The following NTNG1 variants were observed in gnomAD, a reference collection of about 807,000 sequenced individuals.
The protein encoded by NTNG1 is netrin G1, also known as netrin-G1.
NTNG1 carries 16 observed loss-of-function variants against 54.0 expected under a neutral mutation model. The ratio of observed to expected loss-of-function variants is 0.30; its 90% CI spans 0.20 to 0.45. The LOEUF (loss-of-function observed/expected upper bound fraction) is 0.45. NTNG1 is among the 20% of genes least tolerant of loss of function. The pLI, the probability that NTNG1 is intolerant of heterozygous loss-of-function variation, is 1.00. For synonymous variants in NTNG1, 255 were observed against 263.1 expected, an observed-to-expected ratio of 0.97 and a Z score of 0.30; for missense variants, 530 against 678.7, an observed-to-expected ratio of 0.78 and a Z score of 2.43.
At chr1:107,243,267 G>T (rs1661964568) in intron 2 of NTNG1, among the ~76,000 whole-genome samples, 1 of 152,126 alleles carries the variant, frequency 6.6e-6, no homozygotes, top group Non-Finnish European at 1.5e-5. Context: ...TTTGAAAGAG[G>T]AAAAGTGACC....
At chr1:107,440,568 C>A (rs1675902892) in intron 7 of NTNG1, among the ~76,000 whole-genome samples, 1 of 152,160 alleles carries the variant, frequency 6.6e-6, no homozygotes, top group African/African-American at 2.4e-5. Flanking sequence ...ATTATTATTA[C>A]TACTTCCAAG....
chr1:107,209,588 A>T (rs1481915001), intron 2 of NTNG1, among the ~76,000 whole-genome samples: 1 of 152,110 alleles, frequency 6.6e-6, no homozygotes. Flanking sequence ...TTGAGACAAT[A>T]ATTGCGCCTC....
chr1:107,337,473 G>A (rs1379063625), intron 3 of NTNG1, among the ~76,000 whole-genome samples: 1 of 151,932 alleles, frequency 6.6e-6, no homozygotes, highest in Non-Finnish European at 1.5e-5. Context: ...TGAAAAAGAA[G>A]ATTCATTTGT....
Position 107,148,534 on chromosome 1 carries a change from A to T in NTNG1, c.-60A>T. On this transcript the variant is annotated 5_prime_UTR_variant, in exon 2 of 8. Transcript: ENST00000370068. The stretch of plus-strand genomic sequence containing the variant: ...GTATATATATGTAAACTAGACAAAG[A>T]TCGCAGATCATAAAGCAAGCTCTGC... The T allele has an allele frequency of 6.5e-7, 1 of 1,536,690 alleles. No homozygotes were observed. Among genetic ancestry groups the T allele is most frequent in the Non-Finnish European group, 9.0e-7 (1 of 1,114,850 alleles).
chr1:107,322,828 C>T (rs576043173), intron 2 of NTNG1, among the ~76,000 whole-genome samples: 17 of 152,172 alleles, frequency 1.1e-4, no homozygotes, highest in Admixed American at 7.2e-4. Context: ...TGTACCTTCT[C>T]TTCTTTCTCC....
intron 7 of NTNG1, among the ~76,000 whole-genome samples, chr1:107,444,095 GCTAGATGAGCAAAC>G (rs376843810): frequency 0.24 from 37,036 of 151,998 alleles, 4,619 homozygotes; most frequent in Middle Eastern, 0.33. Context: ...CGTTTTGTCT[GCTAGATGAGCAAAC>G]CCCAGGGTTG....
chr1:107,287,906 T>C (rs930724623), intron 2 of NTNG1, among the ~76,000 whole-genome samples: 1 of 152,138 alleles, frequency 6.6e-6, no homozygotes, highest in Non-Finnish European at 1.5e-5. Context: ...TTGCATACTG[T>C]CTGGCACTTA....
chr1:107,191,502 C>T (rs1657927784), intron 2 of NTNG1, among the ~76,000 whole-genome samples: 2 of 152,130 alleles, frequency 1.3e-5, no homozygotes, highest in Admixed American at 1.3e-4. Flanking sequence ...AGTCCTTGCC[C>T]ATGCCTATGT....
At chr1:107,433,071 T>C (rs976244383) in intron 6 of NTNG1, among the ~76,000 whole-genome samples, 1 of 152,226 alleles carries the variant, frequency 6.6e-6, no homozygotes, top group African/African-American at 2.4e-5. Flanking sequence ...TTATTTTTAC[T>C]TTTAAAAATC....
intron 7 of NTNG1, among the ~76,000 whole-genome samples, chr1:107,478,536 GC>G (rs1164471087): frequency 6.6e-6 from 1 of 152,092 alleles, no homozygotes; most frequent in Non-Finnish European, 1.5e-5. Context: ...AAGAAAAATA[GC>G]TTTTTTTTTC....
intron 2 of NTNG1, among the ~76,000 whole-genome samples, chr1:107,159,753 C>T (rs1439095239): frequency 6.6e-6 from 1 of 152,090 alleles, no homozygotes; most frequent in Admixed American, 6.6e-5. Flanking sequence ...ATTTAAAAAG[C>T]CTTTCATCTG....
intron 2 of NTNG1, among the ~76,000 whole-genome samples, chr1:107,246,262 C>T (rs1195883119): frequency 6.6e-6 from 1 of 152,096 alleles, no homozygotes; most frequent in Non-Finnish European, 1.5e-5. Context: ...ACCGTGTTAG[C>T]CAGAATAGTC....
At chr1:107,365,513 A>AT (rs1299699195) in intron 3 of NTNG1, among the ~76,000 whole-genome samples, 1 of 152,228 alleles carries the variant, frequency 6.6e-6, no homozygotes, top group South Asian at 2.1e-4. Flanking sequence ...TCATTTGCAT[A>AT]TAGGTAAGCC....
chr1:107,445,478 T>G (rs976494719), intron 7 of NTNG1, among the ~76,000 whole-genome samples: 4 of 152,146 alleles, frequency 2.6e-5, no homozygotes, highest in African/African-American at 9.7e-5. Context: ...CGGGAACATG[T>G]ATGCATTATC....
intron 7 of NTNG1, among the ~76,000 whole-genome samples, chr1:107,453,663 T>G (rs1676757331): frequency 6.6e-6 from 1 of 152,188 alleles, no homozygotes; most frequent in Non-Finnish European, 1.5e-5. Flanking sequence ...AAGAGGAAAG[T>G]GGATGCCATG....
At chr1:107,232,776 A>G (rs939680041) in intron 2 of NTNG1, among the ~76,000 whole-genome samples, 4 of 152,208 alleles carry the variant, frequency 2.6e-5, no homozygotes, top group African/African-American at 9.6e-5. Context: ...AAATTGTCCA[A>G]TCTCATGTTT....
intron 7 of NTNG1, among the ~76,000 whole-genome samples, chr1:107,441,147 A>G (rs1331540965): frequency 6.6e-6 from 1 of 152,158 alleles, no homozygotes; most frequent in Non-Finnish European, 1.5e-5. Flanking sequence ...CATGCTTTAT[A>G]TAAAATATGA....
chr1:107,142,646 T>C (rs1206459306), intron 1 of NTNG1, among the ~76,000 whole-genome samples: 3 of 147,174 alleles, frequency 2.0e-5, no homozygotes, highest in Non-Finnish European at 4.5e-5. Context: ...TGACTGAAAA[T>C]ACTAAAAGTT....
In NTNG1 at chr1:107,443,788, C is replaced by T. The variant is rs1363036410; in HGVS notation, c.1390+6989C>T. On this transcript the variant is annotated intron_variant, in intron 7 of 7. Coordinates refer to ENST00000370068, the MANE Select transcript of NTNG1 (RefSeq NM_001113226.3). Reference sequence around the variant, plus strand: ...TTGGTCTCATCAATAAAATGAATGGCATCACTGAATCCAAGTTTTTAATTT... The same window carrying T: ...TTGGTCTCATCAATAAAATGAATGGTATCACTGAATCCAAGTTTTTAATTT... 3.9e-5 allele frequency among the ~76,000 whole-genome samples: 6 copies of T among 152,240 alleles called. No homozygotes were observed. In the East Asian group the frequency reaches 1.2e-3, roughly 29 times the overall value.
Sources: gnomAD v4.1 joint callset for allele counts (sites outside exome capture counted in the v4.1 genomes callset) on GRCh38, gnomAD v4.1.1 for gene constraint, MANE v1.5 for transcripts, NCBI Gene and HGNC (gene_info 2026-07-23, HGNC 2026-07-21) for gene names.